The following DIPK1C variants were observed in gnomAD, a reference collection of about 807,000 sequenced individuals.
DIPK1C encodes the protein familial non-conventional Alzheimer's dementia.
DIPK1C carries 33 observed loss-of-function variants against 28.0 expected under a neutral mutation model. The ratio of observed to expected loss-of-function variants is 1.18; its 90% CI spans 0.89 to 1.58. The LOEUF is 1.58. Ranked by LOEUF, DIPK1C falls within the 40% of genes most tolerant of loss-of-function variation. The pLI, the probability that DIPK1C is intolerant of heterozygous loss-of-function variation, is 0.00. For missense variants in DIPK1C, 569 were observed against 568.5 expected, an observed-to-expected ratio of 1.00 and a Z score of -0.01; for synonymous variants, 255 against 248.8, an observed-to-expected ratio of 1.02 and a Z score of -0.23.
intron 2 of DIPK1C, among the ~76,000 whole-genome samples, chr18:74,445,083 C>T (rs531225265): frequency 1.3e-5 from 2 of 152,276 alleles, no homozygotes; most frequent in African/African-American, 4.8e-5. Context: ...CATTGATGCC[C>T]ACTGATACCT....
chr18:74,437,476 G>A (rs1320139743), intron 3 of DIPK1C, among the ~76,000 whole-genome samples: 2 of 152,010 alleles, frequency 1.3e-5, no homozygotes, highest in African/African-American at 2.4e-5. Flanking sequence ...CTTCCCCCAC[G>A]CTGGGAGAAA....
At chr18:74,453,666 G>T (rs76824432) in intron 1 of DIPK1C, among the ~76,000 whole-genome samples, 5,539 of 152,282 alleles carry the variant, frequency 0.036, 131 homozygotes, top group East Asian at 0.13. Flanking sequence ...CTTTGAAAAT[G>T]ATTTGCTATG....
rs1986345044 is a variant in DIPK1C, at chr18:74,449,323, T to A, written c.199-2040A>T. On this transcript the variant is annotated intron_variant, in intron 1 of 3. Transcript: ENST00000343998. The stretch of plus-strand genomic sequence containing the variant: ...AAGCAAAATATAAGGTACTATATGA[T>A]CTTTCTAACATTCAACAAGATTTGA... 2.0e-5 allele frequency among the ~76,000 whole-genome samples: 3 copies of A among 152,178 alleles called. No homozygotes were observed. In the South Asian group the frequency reaches 6.2e-4, roughly 31 times the overall value.
chr18:74,435,994 G>C lies in DIPK1C; in HGVS notation c.*507C>G. The C allele has an allele frequency of 5.9e-6, 1 of 170,874 alleles. No individual in the cohort carries two copies. The highest frequency in any genetic ancestry group is 1.5e-4 in the South Asian group (1 of 6,598). 10.6% of individuals were successfully genotyped at this position (170,874 alleles called of 1,614,324 possible). A position where few individuals can be genotyped will look rare whatever the true frequency, so the allele number is the denominator to read the frequency against. On this transcript the variant is annotated 3_prime_UTR_variant, in exon 4 of 4. Transcript: ENST00000343998. Reference sequence around the variant, plus strand: ...ACTCAGGCATACTCATACTCCTCATGAGCACACCACACTCACCTGTGCACA... The same window carrying C: ...ACTCAGGCATACTCATACTCCTCATCAGCACACCACACTCACCTGTGCACA...
intron 3 of DIPK1C, among the ~76,000 whole-genome samples, chr18:74,440,987 G>A (rs72975721): frequency 0.014 from 2,186 of 151,978 alleles, 51 homozygotes; most frequent in African/African-American, 0.048. Flanking sequence ...TGGCAGAGTC[G>A]GGGTGTTTGT....
At chr18:74,464,039 G>A in the DIPK1C span, among the ~76,000 whole-genome samples, 1 of 152,188 alleles carries the variant, frequency 6.6e-6, no homozygotes, top group Admixed American at 6.5e-5. Flanking sequence ...CTAAAGGTCA[G>A]CATATAAGAA....
rs1055334384 is a variant in DIPK1C at position 74,436,842 on chromosome 18, G to C, written c.1042-123C>G. ...TCCCACCCCCACCCCCGTCCTTCAG[G>C]GAGCACACTCCAGAGACCATCCGAT... On this transcript the variant is annotated intron_variant, in intron 3 of 3. Coordinates refer to ENST00000343998, the MANE Select transcript of DIPK1C (RefSeq NM_001044369.3). 6 of 872,344 alleles carry C rather than the reference G, an allele frequency of 6.9e-6. No individual in the cohort carries two copies. The African/African-American group carries it at 1.1e-4, about 15-fold the overall frequency. 54.0% of individuals were successfully genotyped at this position (872,344 alleles called of 1,614,324 possible).
chr18:74,459,888 C>A (rs1986591570), upstream of DIPK1C, among the ~76,000 whole-genome samples: 3 of 152,172 alleles, frequency 2.0e-5, no homozygotes, highest in Non-Finnish European at 2.9e-5. Context: ...ACCCCATCTG[C>A]AGCGCCAGCC....
In DIPK1C at chr18:74,447,155, G is replaced by A. The variant is rs753991540; in HGVS notation, c.327C>T (p.Arg109=). The change falls in exon 2 of 4, where the codon CGC becomes CGT. Residue 109 remains arginine, a synonymous_variant. Coordinates refer to ENST00000343998, the MANE Select transcript of DIPK1C (RefSeq NM_001044369.3). The surrounding 1 kb of genome is among the most constrained non-coding windows in gnomAD (Gnocchi z 4.1). ...RGKKVLQADW[R]GRPVVLKSKE... is the part of the protein sequence containing the mutation. ...TGGACTTGAGGACCACGGGCCGGCC[G>A]CGCCAGTCGGCCTGCAGCACCTTCT... 1.2e-5 allele frequency: 18 copies of A among 1,550,444 alleles called. No individual in the cohort carries two copies. The highest frequency in any genetic ancestry group is 4.1e-5 in the African/African-American group (3 of 73,068).
At chr18:74,460,947 G>A (rs187263177), upstream of DIPK1C, among the ~76,000 whole-genome samples, 100 of 152,320 alleles carry the variant, frequency 6.6e-4, no homozygotes, top group Admixed American at 2.0e-3. Context: ...CTGCGTGTCC[G>A]TCACTGTCTG....
intron 3 of DIPK1C, 100 bp from the exon 4 acceptor site, chr18:74,436,819 C>T: frequency 9.2e-7 from 1 of 1,086,106 alleles, no homozygotes; most frequent in East Asian, 2.6e-5. Flanking sequence ...AGCTTCTCTC[C>T]CACCCCCACC....
chr18:74,444,481 C>G (rs1417177128), intron 2 of DIPK1C, among the ~76,000 whole-genome samples: 1 of 152,228 alleles, frequency 6.6e-6, no homozygotes, highest in African/African-American at 2.4e-5. Context: ...ATCACTAGCT[C>G]TCAAACTTAA....
At chr18:74,455,704 G>A (rs1195221830) in intron 1 of DIPK1C, among the ~76,000 whole-genome samples, 1 of 123,854 alleles carries the variant, frequency 8.1e-6, no homozygotes, top group Non-Finnish European at 1.6e-5. Flanking sequence ...CTTTAGCCTG[G>A]GAGACAAGAG....
intron 1 of DIPK1C, among the ~76,000 whole-genome samples, chr18:74,450,671 C>G (rs903587283): frequency 2.6e-5 from 4 of 152,238 alleles, no homozygotes; most frequent in African/African-American, 4.8e-5. Context: ...GCCACCTCCT[C>G]TCTGCCTCAC....
In DIPK1C at chr18:74,436,246, A is replaced by G. The variant is rs1350392559; in HGVS notation, c.*255T>C. On this transcript the variant is annotated 3_prime_UTR_variant, in exon 4 of 4. Transcript: ENST00000343998. Reference sequence around the variant, plus strand: ...AGTGCACACAGGTTGGTGTCTTCTGACCGAGAGCCCTCCTGAAGGGAGGTC... The same window carrying G: ...AGTGCACACAGGTTGGTGTCTTCTGGCCGAGAGCCCTCCTGAAGGGAGGTC... The G allele has an allele frequency of 1.9e-6, 1 of 518,896 alleles. No individual in the cohort carries two copies. Among genetic ancestry groups the G allele is most frequent in the Non-Finnish European group, 3.4e-6 (1 of 293,828 alleles). The allele number at this position is 518,896 out of a possible 1,614,324, so 32.1% of individuals were successfully genotyped here.
chr18:74,455,022 G>A (rs935427908), intron 1 of DIPK1C, among the ~76,000 whole-genome samples: 6 of 152,148 alleles, frequency 3.9e-5, no homozygotes, highest in African/African-American at 1.2e-4. Context: ...TGTGGCCTCC[G>A]ACATCGTTCT....
chr18:74,448,933 A>C (rs1424941194), intron 1 of DIPK1C, among the ~76,000 whole-genome samples: 1 of 152,102 alleles, frequency 6.6e-6, no homozygotes, highest in Non-Finnish European at 1.5e-5. Context: ...ACATGGCTAA[A>C]CCTGGTCTCT....
intron 2 of DIPK1C, among the ~76,000 whole-genome samples, chr18:74,445,390 G>C (rs1986236964): frequency 6.6e-6 from 1 of 152,226 alleles, no homozygotes; most frequent in South Asian, 2.1e-4. Flanking sequence ...CCCGTAGGTT[G>C]TCAGCCCCTC....
At chr18:74,441,883 T>G in intron 3 of DIPK1C, 69 bp downstream of exon 3, 1 of 1,527,054 alleles carries the variant, frequency 6.5e-7, no homozygotes, top group Non-Finnish European at 8.9e-7. Context: ...TGAGGGTATC[T>G]GAAGAGCTAG....
Sources: gnomAD v4.1 joint callset for allele counts (sites outside exome capture counted in the v4.1 genomes callset) on GRCh38, gnomAD v4.1.1 for gene constraint, Gnocchi (gnomAD v3.1) non-coding constraint, MANE v1.5 for transcripts, NCBI Gene and HGNC (gene_info 2026-07-23, HGNC 2026-07-21) for gene names.